Variants in PODN observed in about 807,000 individuals in gnomAD.
PODN encodes podocan proteoglycan.
Under a neutral mutation model 52.7 loss-of-function variants are expected in PODN, and 40 were observed. The ratio of observed to expected loss-of-function variants is 0.76; its 90% CI spans 0.59 to 0.99. PODN has a LOEUF of 0.99. Ranked by LOEUF, PODN falls within the 50% of genes least tolerant of loss-of-function variation. The pLI is 0.00. For synonymous variants in PODN, 396 were observed against 377.9 expected (o/e 1.05, Z -0.56); for missense variants, 720 against 815.1 (o/e 0.88, Z 1.42).
rs1198703700 is a variant in PODN, at chr1:53,080,862, G to A, written c.1647G>A (p.Lys549=). 2.5e-6 allele frequency: 4 copies of A among 1,613,888 alleles called. No homozygotes were observed. Residue 549 remains lysine, a synonymous_variant, in exon 9 of 11, where the codon AAG becomes AAA. Coordinates refer to ENST00000312553, the MANE Select transcript of PODN (RefSeq NM_153703.5). ...CCTTCGACTCCACGCCCAACCTCAA[G>A]GGGATCTTTCTCAGGTAGGAGCCCA... is the stretch of plus-strand genomic sequence containing the variant. ...ANAFDSTPNL[K]GIFLRFNKLA... is the part of the protein sequence containing the mutation.
chr1:53,074,579 G>T (rs749411035), intron 3 of PODN, 27 bp from the exon 4 acceptor site: 32 of 1,613,538 alleles, frequency 2.0e-5, no homozygotes, highest in Non-Finnish European at 2.7e-5. Context: ...TCCATCCAGG[G>T]CTCTGACCGA....
At chr1:53,063,741 T>C (rs568687405) in intron 1 of PODN, among the ~76,000 whole-genome samples, 1 of 152,330 alleles carries the variant, frequency 6.6e-6, no homozygotes, top group South Asian at 2.1e-4. Context: ...GAGCACACTT[T>C]ATCCCTTCTG....
In PODN at chr1:53,069,935, C is replaced by A. The variant is rs765110471; in HGVS notation, c.80C>A (p.Ala27Asp). The A allele has an allele frequency of 1.9e-6, 3 of 1,586,706 alleles. No individual in the cohort carries two copies. The highest frequency in any genetic ancestry group is 1.1e-5 in the South Asian group (1 of 87,852). ...CTGGGACCTGTGCTTGCCGTGAGGGCCCCAGGATTTGGCCGAAGTGGCGGC... is the reference window on the plus strand; with the variant it reads ...CTGGGACCTGTGCTTGCCGTGAGGGACCCAGGATTTGGCCGAAGTGGCGGC... ...LHLGPVLAVR[A>D]PGFGRSGGHS... The change falls in exon 2 of 11, where the codon GCC becomes GAC. Residue 27 changes from alanine to aspartate, a missense_variant. Ala to Asp is a moderately radical substitution (Grantham distance 126). Transcript: ENST00000312553.
At chr1:53,073,937 T>C (rs1210422928) in intron 3 of PODN, among the ~76,000 whole-genome samples, 1 of 152,252 alleles carries the variant, frequency 6.6e-6, no homozygotes, top group African/African-American at 2.4e-5. Context: ...CTCTTAGCCG[T>C]CGGCTCAGCC....
At chr1:53,072,289 C>T (rs1470006262) in intron 3 of PODN, among the ~76,000 whole-genome samples, 1 of 152,032 alleles carries the variant, frequency 6.6e-6, no homozygotes, top group Non-Finnish European at 1.5e-5. Flanking sequence ...AACTAGAATC[C>T]ATAAGTTATT....
chr1:53,071,404 G>A (rs930782355), intron 2 of PODN, 131 bp from the exon 3 acceptor site: 1 of 762,180 alleles, frequency 1.3e-6, no homozygotes, highest in African/African-American at 1.8e-5. Context: ...CTGCTGCCAT[G>A]GGGGAGAATT....
chr1:53,076,992 C>T (rs1024439571), intron 5 of PODN, among the ~76,000 whole-genome samples, 198 bp from the exon 6 acceptor site: 35 of 152,350 alleles, frequency 2.3e-4, no homozygotes, highest in African/African-American at 8.2e-4. Flanking sequence ...CTTATGGGAC[C>T]ACCTGTGGTG....
chr1:53,078,645 C>G lies in PODN; in HGVS notation c.1135C>G (p.Pro379Ala), dbSNP rs1471153724. 6.2e-7 allele frequency: 1 copy of G among 1,613,040 alleles called. No individual in the cohort carries two copies. Among genetic ancestry groups the G allele is most frequent in the Admixed American group, 1.7e-5 (1 of 60,030 alleles). Residue 379 changes from proline to alanine, a missense_variant, in exon 8 of 11, where the codon CCT (proline) becomes GCT (alanine). Coordinates refer to ENST00000312553, the MANE Select transcript of PODN (RefSeq NM_153703.5). ...GCTGGAGCGCGTGCCCAGTGGCCTG[C>G]CTCGCCGCGTGCGCACCCTCATGAT... ...NALERVPSGL[P>A]RRVRTLMILH...
Position 53,071,640 on chromosome 1 carries a change from C to T in PODN, c.406+12C>T, listed in dbSNP as rs199528353. On this transcript the variant is annotated intron_variant, in intron 3 of 10. Transcript: ENST00000312553. ...CCTGACTTCCCGAGGTGAGGGGCCA[C>T]CCAGAGCCCAGGGTCAGGGACACCA... The T allele has an allele frequency of 4.0e-5, 65 of 1,607,580 alleles. No homozygotes were observed. In the East Asian group the frequency reaches 4.9e-4, roughly 12 times the overall value.
Position 53,078,489 on chromosome 1 carries a change from A to G in PODN, c.979A>G (p.Asn327Asp), listed in dbSNP as rs776690532. The G allele has an allele frequency of 4.3e-6, 7 of 1,613,222 alleles. No individual in the cohort carries two copies. The highest frequency in any genetic ancestry group is 4.0e-5 in the African/African-American group (3 of 74,928). The change falls in exon 8 of 11, where the codon AAT (asparagine) becomes GAT (aspartate). Residue 327 changes from asparagine to aspartate, a missense_variant. Asn to Asp is a conservative substitution (Grantham distance 23). Coordinates refer to ENST00000312553, the MANE Select transcript of PODN (RefSeq NM_153703.5). ...EKNAIRSVDA[N>D]VLTPIRSLEY... is the part of the protein sequence containing the mutation. ...GAACGCCATCCGGAGCGTGGACGCG[A>G]ATGTGCTGACCCCCATCCGCAGCCT...
At chr1:53,083,285 C>T (rs1001513) in intron 10 of PODN, among the ~76,000 whole-genome samples, 9,608 of 152,200 alleles carry the variant, frequency 0.063, 680 homozygotes, top group East Asian at 0.22. Flanking sequence ...AAAGGCCTCT[C>T]GAGGGGAGCC....
chr1:53,075,014 G>A (rs956002203), intron 4 of PODN, among the ~76,000 whole-genome samples: 5 of 152,134 alleles, frequency 3.3e-5, no homozygotes, highest in Non-Finnish European at 5.9e-5. Flanking sequence ...GGGGCCCCAG[G>A]GTGGGGGGCA....
chr1:53,069,467 G>T (rs1644078500), intron 1 of PODN, among the ~76,000 whole-genome samples: 1 of 152,202 alleles, frequency 6.6e-6, no homozygotes, highest in Non-Finnish European at 1.5e-5. Context: ...GGAGGCAGGG[G>T]GTCTTCCCAC....
At chr1:53,076,638 T>G (rs555860124) in intron 5 of PODN, among the ~76,000 whole-genome samples, 5 of 152,100 alleles carry the variant, frequency 3.3e-5, no homozygotes, top group Non-Finnish European at 7.4e-5. Context: ...GCATCTCATA[T>G]ATATATTTAT....
chr1:53,068,084 T>C (rs72905172), intron 1 of PODN, among the ~76,000 whole-genome samples: 14,154 of 152,118 alleles, frequency 0.093, 1,066 homozygotes, highest in African/African-American at 0.21. Context: ...ACTGAGCACT[T>C]ACTATGTGCA....
chr1:53,067,133 G>T (rs1431501026), intron 1 of PODN, among the ~76,000 whole-genome samples: 1 of 152,168 alleles, frequency 6.6e-6, no homozygotes, highest in African/African-American at 2.4e-5. Flanking sequence ...GCGTAGGGCT[G>T]GGCTGCTGTG....
At chr1:53,074,097 G>A (rs1644158357) in intron 3 of PODN, among the ~76,000 whole-genome samples, 1 of 152,252 alleles carries the variant, frequency 6.6e-6, no homozygotes, top group Non-Finnish European at 1.5e-5. Context: ...TTGGAGCCCA[G>A]AAACGAGAGT....
chr1:53,074,808 C>CGGGGGGG, intron 4 of PODN, 138 bp downstream of exon 4: 1 of 476,756 alleles, frequency 2.1e-6, no homozygotes, highest in Non-Finnish European at 3.4e-6. Context: ...GGCCCTGGGT[C>CGGGGGGG]GGGGGTGGGG....
At chr1:53,071,331 T>C (rs1644113791) in intron 2 of PODN, 2 of 560,250 alleles carry the variant, frequency 3.6e-6, no homozygotes, top group Non-Finnish European at 6.4e-6. Flanking sequence ...CACACTCCTG[T>C]TGTGATCACT....
Sources: gnomAD v4.1 joint callset for allele counts (sites outside exome capture counted in the v4.1 genomes callset) on GRCh38, gnomAD v4.1.1 for gene constraint, MANE v1.5 for transcripts, NCBI Gene and HGNC (gene_info 2026-07-23, HGNC 2026-07-21) for gene names.